METTL6: variants seen among roughly 807,000 people sequenced by gnomAD.
METTL6 encodes the protein tRNA N(3)-cytidine methyltransferase METTL6.
METTL6 carries 22 observed loss-of-function variants against 26.4 expected under a neutral mutation model. The observed-to-expected ratio is 0.83, with a 90% CI of 0.59 to 1.19. The LOEUF is 1.19. METTL6 is among the 50% of genes most tolerant of loss of function. The pLI, the probability that METTL6 is intolerant of heterozygous loss-of-function variation, is 0.00. For missense variants in METTL6, 304 were observed against 324.8 expected (o/e 0.94, Z 0.49); for synonymous variants, 109 against 116.2 (o/e 0.94, Z 0.40).
At chr3:15,414,602 A>C (rs1348030168) in intron 4 of METTL6, 13 of 270,682 alleles carry the variant, frequency 4.8e-5, no homozygotes. Context: ...TAATTTGCCC[A>C]CCTCAGTCTC....
chr3:15,396,563 G>A (rs4324455), intron 6 of METTL6, among the ~76,000 whole-genome samples: 60,134 of 151,868 alleles, frequency 0.4, 11,998 homozygotes, highest in East Asian at 0.49. Context: ...GAGGAGAGGC[G>A]CTCTGATTTT....
intron 6 of METTL6, among the ~76,000 whole-genome samples, chr3:15,389,167 T>G (rs78794915): frequency 6.6e-6 from 1 of 151,900 alleles, no homozygotes; most frequent in Non-Finnish European, 1.5e-5. Context: ...TTTTTTTTTT[T>G]CTAAGTTTTT....
At chr3:15,394,612 C>T (rs1335696523) in intron 6 of METTL6, among the ~76,000 whole-genome samples, 1 of 152,140 alleles carries the variant, frequency 6.6e-6, no homozygotes, top group Non-Finnish European at 1.5e-5. Flanking sequence ...TTAGATCTTT[C>T]CTGCTTTCTC....
chr3:15,424,902 C>T, intron 3 of METTL6, 53 bp downstream of exon 3: 1 of 1,608,584 alleles, frequency 6.2e-7, no homozygotes, highest in Non-Finnish European at 8.5e-7. Flanking sequence ...GCAGATCAAA[C>T]AAGATCGGCA....
At position 15,415,762 on chromosome 3, in the gene METTL6, A is replaced by G. The variant is rs1559492747; in HGVS notation, c.531+10T>C. 1.7e-5 allele frequency: 27 copies of G among 1,612,380 alleles called. No homozygotes were observed. Among genetic ancestry groups the G allele is most frequent in the Non-Finnish European group, 2.1e-5 (25 of 1,179,202 alleles). On this transcript the variant is annotated intron_variant, in intron 4 of 5. Coordinates refer to ENST00000383790, the MANE Select transcript of METTL6 (RefSeq NM_152396.4). ...GTCCAACCCTCAAGTGCAGGCCCCA[A>G]ATCACTAACCTTGTAAATGTTTTGT...
downstream of METTL6, among the ~76,000 whole-genome samples, chr3:15,409,257 G>A (rs1380691688): frequency 1.3e-5 from 2 of 152,132 alleles, no homozygotes; most frequent in Admixed American, 1.3e-4. Context: ...GATGTAGTTG[G>A]AGTTGAAGGG....
chr3:15,415,785 T>C lies in METTL6; in HGVS notation c.518A>G (p.Gln173Arg), dbSNP rs758607784. Residue 173 changes from glutamine to arginine, a missense_variant, in exon 4 of 6, where the codon CAA (glutamine) becomes CGA (arginine). Gln to Arg is a conservative substitution (Grantham distance 43). Coordinates refer to ENST00000383790, the MANE Select transcript of METTL6 (RefSeq NM_152396.4). ...CAAATCACTAACCTTGTAAATGTTT[T>C]GTAAGACAAGGTGCATCTTATCAGG... is the stretch of plus-strand genomic sequence containing the variant. ...VHPDKMHLVL[Q>R]NIYKVLKPGK... 2.5e-6 allele frequency: 4 copies of C among 1,613,628 alleles called. No homozygotes were observed. Among genetic ancestry groups the C allele is most frequent in the Non-Finnish European group, 3.4e-6 (4 of 1,179,870 alleles).
At chr3:15,420,081 C>T (rs1477232581) in intron 3 of METTL6, among the ~76,000 whole-genome samples, 1 of 151,984 alleles carries the variant, frequency 6.6e-6, no homozygotes, top group Non-Finnish European at 1.5e-5. Flanking sequence ...AGGATGGTCT[C>T]GATCTCCTGA....
At position 15,393,607 on chromosome 3, in the gene METTL6, C is replaced by T. The variant is rs1699407314; in HGVS notation, c.*12-9420G>A. Among the ~76,000 whole-genome samples the T allele has an allele frequency of 2.0e-5, 3 of 152,146 alleles. No individual in the cohort carries two copies. The South Asian group carries it at 6.2e-4, about 31-fold the overall frequency. ...AAAGGGAATGCTTCCAGTTTTTGCT[C>T]ATTCAGTATGATATTGGCTGTGGGT... On this transcript the variant is annotated intron_variant, in intron 6 of 6. Coordinates refer to the METTL6 transcript ENST00000443029.
intron 3 of METTL6, among the ~76,000 whole-genome samples, chr3:15,416,520 G>T (rs1700212604): frequency 6.6e-6 from 1 of 152,158 alleles, no homozygotes; most frequent in African/African-American, 2.4e-5. Context: ...CTTCCAAAGT[G>T]CTGGGATTAC....
Position 15,409,981 on chromosome 3 carries a change from T to C in METTL6, c.*1275A>G, listed in dbSNP as rs1000776749. ...TCTGACATGTTGCCTGGGGGAACAC[T>C]TACAGTCACATGAGTAATGACAAGA... On this transcript the variant is annotated 3_prime_UTR_variant, in exon 6 of 6. Coordinates refer to ENST00000383790, the MANE Select transcript of METTL6 (RefSeq NM_152396.4). Among the ~76,000 whole-genome samples, 2 of 152,202 alleles carry C rather than the reference T, an allele frequency of 1.3e-5. No homozygotes were observed. The highest frequency in any genetic ancestry group is 4.8e-5 in the African/African-American group (2 of 41,444).
intron 3 of METTL6, among the ~76,000 whole-genome samples, chr3:15,420,565 T>G (rs1449369236): frequency 6.6e-6 from 1 of 152,184 alleles, no homozygotes; most frequent in Non-Finnish European, 1.5e-5. Context: ...GCAAAGGGCT[T>G]TATACCAATG....
chr3:15,389,155 C>CT lies in METTL6; in HGVS notation c.*12-4969dup, dbSNP rs1363059667. 9.2e-3 allele frequency among the ~76,000 whole-genome samples: 1,330 copies of CT among 145,116 alleles called. 9 individuals are homozygous for CT. Among genetic ancestry groups the CT allele is most frequent in the South Asian group, 0.019 (86 of 4,544 alleles). On this transcript the variant is annotated intron_variant, in intron 6 of 6. Transcript: ENST00000443029. ...ACACGCATGAGGCACCACACCTGGC[C>CT]TTTTTTTTTTTTCTAAGTTTTTTGT...
intron 3 of METTL6, among the ~76,000 whole-genome samples, chr3:15,422,404 A>G (rs1002230771): frequency 6.6e-6 from 1 of 152,202 alleles, no homozygotes; most frequent in Non-Finnish European, 1.5e-5. Context: ...CAAGGCAGGC[A>G]GATCACTTGA....
intron 3 of METTL6, among the ~76,000 whole-genome samples, chr3:15,424,338 C>T (rs916241195): frequency 6.6e-6 from 1 of 152,212 alleles, no homozygotes; most frequent in East Asian, 1.9e-4. Flanking sequence ...GCAATCTTGG[C>T]TCACTGCAAC....
rs762897163 is a variant in METTL6, at chr3:15,412,524, G to T, written c.674-1087C>A. 3.3e-5 allele frequency among the ~76,000 whole-genome samples: 5 copies of T among 151,682 alleles called. No homozygotes were observed. In the East Asian group the frequency reaches 9.7e-4, roughly 29 times the overall value. ...TTTGAGATAGGCTTCTCGCCCTGTC[G>T]CCCAGGCTGGAGGGCAGTGGTATGA... is the stretch of plus-strand genomic sequence containing the variant. On this transcript the variant is annotated intron_variant, in intron 5 of 5. Coordinates refer to ENST00000383790, the MANE Select transcript of METTL6 (RefSeq NM_152396.4).
At chr3:15,416,125 G>A (rs1437140160) in intron 3 of METTL6, among the ~76,000 whole-genome samples, 183 bp from the exon 4 acceptor site, 6 of 152,178 alleles carry the variant, frequency 3.9e-5, no homozygotes, top group African/African-American at 7.2e-5. Context: ...ACTGCTACAG[G>A]AGCAAGACTT....
In METTL6 at chr3:15,410,640, TGAAAACAG is replaced by T. The variant is rs1261891421; in HGVS notation, c.*608_*615del. ...CTTAAGAAAAGTAACTGACTGCAGT[TGAAAACAG>T]GTAATTGAAATTGTGGTAAGTGAAA... On this transcript the variant is annotated 3_prime_UTR_variant, in exon 6 of 6. Transcript: ENST00000383790. Among the ~76,000 whole-genome samples, 1 of 151,998 alleles carries T rather than the reference TGAAAACAG, an allele frequency of 6.6e-6. No homozygotes were observed. The highest frequency in any genetic ancestry group is 1.5e-5 in the Non-Finnish European group (1 of 68,004).
rs567294236 is a variant in METTL6, at chr3:15,386,980, T to C, written c.*12-2793A>G. Among the ~76,000 whole-genome samples the C allele has an allele frequency of 1.1e-4, 16 of 151,984 alleles. No individual in the cohort carries two copies. The East Asian group carries it at 2.9e-3, about 28-fold the overall frequency. On this transcript the variant is annotated intron_variant, in intron 6 of 6. Coordinates refer to the METTL6 transcript ENST00000443029. ...GCTAATTTTGTATTTTTAGCAGAGATGGGGGGTGGTTCTCACCATGTTGCC... is the reference window on the plus strand; with the variant it reads ...GCTAATTTTGTATTTTTAGCAGAGACGGGGGGTGGTTCTCACCATGTTGCC...
Sources: allele counts gnomAD v4.1 joint callset (sites outside exome capture counted in the v4.1 genomes callset), GRCh38; gene constraint gnomAD v4.1.1; transcripts MANE v1.5; gene names NCBI Gene and HGNC (gene_info 2026-07-23, HGNC 2026-07-21).